The following SNTG1 variants were observed in gnomAD, a reference collection of about 807,000 sequenced individuals.
SNTG1 encodes the protein syntrophin gamma 1.
A neutral mutation model predicts 74.7 loss-of-function variants in SNTG1; 39 were observed. The observed-to-expected ratio is 0.52, with a 90% CI of 0.40 to 0.68. The LOEUF is 0.68. Among genes scored for constraint, SNTG1 ranks in the 30% least tolerant of loss-of-function variants. SNTG1 has a pLI of 0.00. For synonymous variants in SNTG1, 254 were observed against 217.1 expected, an observed-to-expected ratio of 1.17 and a Z score of -1.49; for missense variants, 685 against 609.5, an observed-to-expected ratio of 1.12 and a Z score of -1.30.
intron 4 of SNTG1, among the ~76,000 whole-genome samples, chr8:50,427,553 G>A (rs1467751208): frequency 6.6e-6 from 1 of 152,218 alleles, no homozygotes; most frequent in Non-Finnish European, 1.5e-5. Flanking sequence ...AGCCTCCCAA[G>A]TAGCTTGGCC....
chr8:50,501,611 A>ATTTTTT (rs57220646), intron 8 of SNTG1, among the ~76,000 whole-genome samples: 1 of 134,150 alleles, frequency 7.5e-6, no homozygotes, highest in Non-Finnish European at 1.7e-5. Flanking sequence ...ATTTTTTTTT[A>ATTTTTT]TTTTTTTTTT....
intron 1 of SNTG1, among the ~76,000 whole-genome samples, chr8:49,960,935 A>G (rs1465139365): frequency 6.6e-6 from 1 of 152,160 alleles, no homozygotes; most frequent in Non-Finnish European, 1.5e-5. Flanking sequence ...CTAGGGCCCT[A>G]CACAGGAAGA....
intron 9 of SNTG1, among the ~76,000 whole-genome samples, chr8:50,519,669 CAGAG>C (rs532311537): frequency 6.0e-4 from 92 of 152,228 alleles, no homozygotes; most frequent in African/African-American, 2.0e-3. Flanking sequence ...AATAGACAAA[CAGAG>C]AGCCAAATCC....
At chr8:50,291,770 G>A (rs1026103789) in intron 2 of SNTG1, among the ~76,000 whole-genome samples, 1 of 152,194 alleles carries the variant, frequency 6.6e-6, no homozygotes, top group Non-Finnish European at 1.5e-5. Flanking sequence ...CAATCTGACT[G>A]TTGCTTGTGT....
chr8:50,789,746 C>G (rs2095685890), intron 18 of SNTG1, among the ~76,000 whole-genome samples: 4 of 151,954 alleles, frequency 2.6e-5, no homozygotes. Context: ...AAAGCTCATT[C>G]TCAATAGTCT....
intron 18 of SNTG1, among the ~76,000 whole-genome samples, chr8:50,768,362 G>A (rs60438174): frequency 0.11 from 17,245 of 151,940 alleles, 2,920 homozygotes; most frequent in African/African-American, 0.37. Context: ...TGAACATAAG[G>A]ATTGAATACA....
chr8:50,689,848 G>A (rs1219777846), intron 15 of SNTG1, among the ~76,000 whole-genome samples: 1 of 152,172 alleles, frequency 6.6e-6, no homozygotes, highest in African/African-American at 2.4e-5. Context: ...TGTACCTCTG[G>A]TAGAATACGG....
intron 1 of SNTG1, among the ~76,000 whole-genome samples, chr8:49,986,498 A>G (rs914206712): frequency 6.6e-6 from 1 of 152,154 alleles, no homozygotes; most frequent in African/African-American, 2.4e-5. Context: ...CAATTTTATC[A>G]GAATATGTGT....
rs17699511 is a variant in SNTG1 at position 50,365,166 on chromosome 8, C to T, written c.-27-29046C>T. ...CTATATGAGTAGTCAGAGAAAAATT[C>T]GAGTGGAAAAACAAGAGATCAAAAA... is the stretch of plus-strand genomic sequence containing the variant. On this transcript the variant is annotated intron_variant, in intron 2 of 18. Coordinates refer to ENST00000642720, the MANE Select transcript of SNTG1 (RefSeq NM_018967.5). 6.4e-3 allele frequency among the ~76,000 whole-genome samples: 975 copies of T among 152,028 alleles called. 7 individuals are homozygous for T. Among genetic ancestry groups the T allele is most frequent in the Non-Finnish European group, 9.7e-3 (656 of 67,928 alleles).
intron 1 of SNTG1, among the ~76,000 whole-genome samples, chr8:50,037,097 G>T (rs1818231076): frequency 6.6e-6 from 1 of 152,138 alleles, no homozygotes; most frequent in South Asian, 2.1e-4. Context: ...TCCTAATTAA[G>T]TTTGTGTGAC....
intron 2 of SNTG1, among the ~76,000 whole-genome samples, chr8:50,174,825 A>G (rs1189925141): frequency 6.6e-6 from 1 of 151,730 alleles, no homozygotes; most frequent in Non-Finnish European, 1.5e-5. Flanking sequence ...CTCATCATTT[A>G]GCATTAGGTA....
chr8:50,760,508 T>C (rs1171691732), intron 18 of SNTG1, among the ~76,000 whole-genome samples: 1 of 151,916 alleles, frequency 6.6e-6, no homozygotes, highest in Non-Finnish European at 1.5e-5. Context: ...TTTTGAGATA[T>C]GTTCCATCAA....
intron 18 of SNTG1, among the ~76,000 whole-genome samples, chr8:50,777,478 A>G (rs991301415): frequency 1.3e-5 from 2 of 149,688 alleles, no homozygotes; most frequent in Admixed American, 1.3e-4. Context: ...TATGTCTTTT[A>G]TTTCTTCCTA....
chr8:50,139,535 T>G lies in SNTG1; in HGVS notation c.-102-33026T>G, dbSNP rs535791751. On this transcript the variant is annotated intron_variant, in intron 1 of 18. Coordinates refer to ENST00000642720, the MANE Select transcript of SNTG1 (RefSeq NM_018967.5). ...CATGTCTGCCAACATTCAACTTAGTTAAAATCCCCAAATATATGCTAAAAT... is the reference window on the plus strand; with the variant it reads ...CATGTCTGCCAACATTCAACTTAGTGAAAATCCCCAAATATATGCTAAAAT... Among the ~76,000 whole-genome samples, 102 of 152,272 alleles carry G rather than the reference T, an allele frequency of 6.7e-4. 2 individuals are homozygous for G. The highest frequency in any genetic ancestry group is 3.7e-3 in the South Asian group (18 of 4,824).
intron 17 of SNTG1, among the ~76,000 whole-genome samples, chr8:50,739,386 T>A (rs2095537368): frequency 6.6e-6 from 1 of 152,036 alleles, no homozygotes. Context: ...CCAATTAGAA[T>A]GGTGATCATT....
intron 15 of SNTG1, among the ~76,000 whole-genome samples, chr8:50,669,041 T>A (rs1338152866): frequency 6.6e-6 from 1 of 151,858 alleles, no homozygotes; most frequent in Non-Finnish European, 1.5e-5. Context: ...CAAAGCAGAG[T>A]GTAGAGGAAA....
chr8:50,028,225 G>A (rs2130732586), intron 1 of SNTG1, among the ~76,000 whole-genome samples: 1 of 152,212 alleles, frequency 6.6e-6, no homozygotes, highest in East Asian at 1.9e-4. Context: ...TGTGACTTTT[G>A]AGGTTGACTT....
At chr8:50,345,106 G>C (rs940515961) in intron 2 of SNTG1, among the ~76,000 whole-genome samples, 1 of 152,116 alleles carries the variant, frequency 6.6e-6, no homozygotes, top group African/African-American at 2.4e-5. Flanking sequence ...AATTTCTGTT[G>C]GTTGAGCCAC....
At chr8:50,440,407 A>T (rs1182721426) in intron 5 of SNTG1, among the ~76,000 whole-genome samples, 1 of 151,940 alleles carries the variant, frequency 6.6e-6, no homozygotes, top group Non-Finnish European at 1.5e-5. Context: ...TCAAAATATG[A>T]TTCTTTCTTT....
Sources: gnomAD v4.1 joint callset for allele counts (sites outside exome capture counted in the v4.1 genomes callset) on GRCh38, gnomAD v4.1.1 for gene constraint, MANE v1.5 for transcripts, NCBI Gene and HGNC (gene_info 2026-07-23, HGNC 2026-07-21) for gene names.